Variants in GLP2R observed in about 807,000 individuals in gnomAD.
GLP2R encodes the protein glucagon like peptide 2 receptor, also known as glucagon-like peptide 2 receptor.
Under a neutral mutation model 68.2 loss-of-function variants are expected in GLP2R, and 59 were observed. That is an observed-to-expected ratio of 0.87 (90% CI 0.70 to 1.07). The LOEUF (loss-of-function observed/expected upper bound fraction) is 1.07, where lower values mean the gene tolerates loss of function less well. GLP2R is among the 50% of genes least tolerant of loss of function. GLP2R has a pLI of 0.00. For synonymous variants in GLP2R, 270 were observed against 265.4 expected, an observed-to-expected ratio of 1.02 and a Z score of -0.17; for missense variants, 548 against 677.4, an observed-to-expected ratio of 0.81 and a Z score of 2.12.
chr17:9,836,264 C>G (rs147269463), intron 2 of GLP2R, 107 bp from the exon 3 acceptor site: 15 of 751,892 alleles, frequency 2.0e-5, no homozygotes, highest in Non-Finnish European at 3.6e-5. Context: ...ACAGGTTACA[C>G]CAGCTTCCAG....
At chr17:9,889,124 G>A (rs540429921) in intron 12 of GLP2R, among the ~76,000 whole-genome samples, 17 of 152,196 alleles carry the variant, frequency 1.1e-4, no homozygotes, top group African/African-American at 3.4e-4. Flanking sequence ...ATGCCACCCC[G>A]GCAGAGTCCT....
intron 5 of GLP2R, among the ~76,000 whole-genome samples, chr17:9,856,311 G>A (rs1292183084): frequency 6.6e-6 from 1 of 152,230 alleles, no homozygotes; most frequent in African/African-American, 2.4e-5. Flanking sequence ...TCTGCCTAAG[G>A]CTTGGGGAAA....
At chr17:9,872,438 G>A (rs1187321579) in intron 10 of GLP2R, among the ~76,000 whole-genome samples, 2 of 152,128 alleles carry the variant, frequency 1.3e-5, no homozygotes, top group Non-Finnish European at 2.9e-5. Flanking sequence ...TTAGCTGGGT[G>A]TGGTGGTGTG....
At chr17:9,844,084 G>A (rs542075505) in intron 4 of GLP2R, among the ~76,000 whole-genome samples, 2 of 152,268 alleles carry the variant, frequency 1.3e-5, no homozygotes, top group East Asian at 3.9e-4. Flanking sequence ...GTAAGAGAGA[G>A]AGCAAAAGGG....
chr17:9,839,216 T>C (rs1371866792), intron 3 of GLP2R, among the ~76,000 whole-genome samples: 1 of 152,126 alleles, frequency 6.6e-6, no homozygotes, highest in Non-Finnish European at 1.5e-5. Context: ...GTGGGGAAAC[T>C]ACTGCAGTGT....
chr17:9,849,904 C>T (rs1275106658), intron 4 of GLP2R, among the ~76,000 whole-genome samples: 4 of 152,120 alleles, frequency 2.6e-5, no homozygotes, highest in Admixed American at 1.3e-4. Flanking sequence ...TGAGCCACTG[C>T]GCCCAGCCTA....
Position 9,870,678 on chromosome 17 carries a change from C to A in GLP2R, c.1057-69C>A, listed in dbSNP as rs551317684. Reference sequence around the variant, plus strand: ...TGATGGAACTGATGGCCGAGCCCAGCCTGACCTTGAAGTTCACAGCTATGT... The same window carrying A: ...TGATGGAACTGATGGCCGAGCCCAGACTGACCTTGAAGTTCACAGCTATGT... On this transcript the variant is annotated intron_variant, in intron 9 of 12. Coordinates refer to ENST00000262441, the MANE Select transcript of GLP2R (RefSeq NM_004246.3). 7.4e-4 allele frequency: 588 copies of A among 790,666 alleles called. 10 individuals are homozygous for A. The South Asian group carries it at 8.2e-3, about 11-fold the overall frequency. 49.0% of individuals were successfully genotyped at this position (790,666 alleles called of 1,614,324 possible). A position where few individuals can be genotyped will look rare whatever the true frequency, so the allele number is the denominator to read the frequency against.
In GLP2R at chr17:9,833,676, G is replaced by T. The variant is rs2066701447; in HGVS notation, c.190-131G>T. On this transcript the variant is annotated intron_variant, in intron 1 of 12. Transcript: ENST00000262441. Reference sequence around the variant, plus strand: ...TTAAGATAGAACATAAGATGCTGAAGAAATGCCATTTCTTTGCTGTGGGCC... The same window carrying T: ...TTAAGATAGAACATAAGATGCTGAATAAATGCCATTTCTTTGCTGTGGGCC... The T allele has an allele frequency of 6.4e-6, 4 of 621,712 alleles. No homozygotes were observed. In the Admixed American group the frequency reaches 1.2e-4, roughly 19 times the overall value. The allele number at this position is 621,712 out of a possible 1,614,324, so 38.5% of individuals were successfully genotyped here.
At chr17:9,836,333 A>C (rs2066730810) in intron 2 of GLP2R, 38 bp from the exon 3 acceptor site, 2 of 1,374,202 alleles carry the variant, frequency 1.5e-6, no homozygotes, top group East Asian at 4.6e-5. Flanking sequence ...CCCTGTGCTA[A>C]AACACTGATG....
rs761533585 is a variant in GLP2R, at chr17:9,857,426, A to T, written c.615A>T (p.Lys205Asn). The change falls in exon 6 of 13, where the codon AAA (lysine) becomes AAT (asparagine). Residue 205 changes from lysine (K) to asparagine (N), a missense_variant. By Grantham distance (94) the Lys-to-Asn change is moderately conservative (BLOSUM62 0). Transcript: ENST00000262441. ...ATTTGGTTTTCTCCTCGCACAGAAA[A>T]CTCCACTGCACGCGCAACTACATCC... Reference protein sequence around the residue: ...LALTLLLFLRKLHCTRNYIHM... With the variant: ...LALTLLLFLRNLHCTRNYIHM... The T allele has an allele frequency of 6.2e-7, 1 of 1,613,498 alleles. No homozygotes were observed. The highest frequency in any genetic ancestry group is 2.2e-5 in the East Asian group (1 of 44,838).
At chr17:9,839,963 C>T (rs1202889484) in intron 3 of GLP2R, among the ~76,000 whole-genome samples, 1 of 150,784 alleles carries the variant, frequency 6.6e-6, no homozygotes, top group Non-Finnish European at 1.5e-5. Flanking sequence ...AGACCTCTCC[C>T]CTCTGCCTTT....
At chr17:9,837,998 T>C (rs1458239361) in intron 3 of GLP2R, among the ~76,000 whole-genome samples, 4 of 152,216 alleles carry the variant, frequency 2.6e-5, no homozygotes, top group Non-Finnish European at 5.9e-5. Flanking sequence ...GATACATTTC[T>C]GGGTGGGAGA....
At chr17:9,886,496 TG>T (rs2152050609) in intron 11 of GLP2R, among the ~76,000 whole-genome samples, 1 of 152,362 alleles carries the variant, frequency 6.6e-6, no homozygotes, top group African/African-American at 2.4e-5. Context: ...CCAGCTCTTC[TG>T]ATATCATGTG....
chr17:9,875,684 G>T (rs1311630145), intron 10 of GLP2R, among the ~76,000 whole-genome samples: 5 of 152,118 alleles, frequency 3.3e-5, no homozygotes, highest in Admixed American at 3.3e-4. Flanking sequence ...GAACTTTGGG[G>T]CTATAAACAG....
At chr17:9,864,887 G>A (rs993847358) in intron 9 of GLP2R, among the ~76,000 whole-genome samples, 6 of 152,258 alleles carry the variant, frequency 3.9e-5, no homozygotes, top group African/African-American at 1.4e-4. Flanking sequence ...GGGCCTTGCT[G>A]CTTTGGCCTT....
chr17:9,887,479 G>A (rs1474724449), intron 11 of GLP2R, among the ~76,000 whole-genome samples: 1 of 152,144 alleles, frequency 6.6e-6, no homozygotes, highest in Non-Finnish European at 1.5e-5. Context: ...GTGAGCCGAG[G>A]TTGAGCCACT....
intron 11 of GLP2R, among the ~76,000 whole-genome samples, chr17:9,882,583 C>T (rs1486804142): frequency 1.9e-5 from 2 of 105,304 alleles, no homozygotes; most frequent in Admixed American, 1.2e-4. Context: ...AAGTAAAAGC[C>T]AGGGAAGGCT....
At chr17:9,877,173 A>T (rs1255381952) in intron 10 of GLP2R, among the ~76,000 whole-genome samples, 1 of 152,240 alleles carries the variant, frequency 6.6e-6, no homozygotes, top group African/African-American at 2.4e-5. Flanking sequence ...CCATAAGCAG[A>T]TGCTCAATAA....
chr17:9,832,345 AG>A (rs764735175), intron 1 of GLP2R, among the ~76,000 whole-genome samples: 9 of 152,108 alleles, frequency 5.9e-5, no homozygotes, highest in Non-Finnish European at 8.8e-5. Flanking sequence ...GAGGCTGAGG[AG>A]GGCGGATCAC....
Sources: gnomAD v4.1 joint callset for allele counts (sites outside exome capture counted in the v4.1 genomes callset) on GRCh38, gnomAD v4.1.1 for gene constraint, MANE v1.5 for transcripts, NCBI Gene and HGNC (gene_info 2026-07-23, HGNC 2026-07-21) for gene names.